DMGDH: variants seen among roughly 807,000 people sequenced by gnomAD.
The protein encoded by DMGDH is dimethylglycine dehydrogenase, mitochondrial.
A neutral mutation model predicts 95.2 loss-of-function variants in DMGDH; 76 were observed. The observed-to-expected ratio is 0.80, with a 90% CI of 0.66 to 0.97. The LOEUF is 0.97. Among genes scored for constraint, DMGDH ranks in the 50% least tolerant of loss-of-function variants. The pLI, the probability that DMGDH is intolerant of heterozygous loss-of-function variation, is 0.00. For synonymous variants in DMGDH, 345 were observed against 377.6 expected (o/e 0.91, Z 1.00); for missense variants, 987 against 1,055.0 (o/e 0.94, Z 0.89).
At position 79,020,578 on chromosome 5, in the gene DMGDH, G is replaced by A. The variant is rs948863091; in HGVS notation, c.2250+3693C>T. 3.6e-6 allele frequency: 3 copies of A among 832,692 alleles called. No homozygotes were observed. The African/African-American group carries it at 5.6e-5, about 15-fold the overall frequency. 51.6% of individuals were successfully genotyped at this position (832,692 alleles called of 1,614,324 possible). ...GCCTCTTTACCAGCTTTTTTGGGTT[G>A]TTTTGTTTTTGGTTATCGAACAGTT... On this transcript the variant is annotated intron_variant, in intron 14 of 15. Transcript: ENST00000255189.
chr5:79,057,566 A>C (rs1299147637), intron 2 of DMGDH, among the ~76,000 whole-genome samples: 1 of 151,912 alleles, frequency 6.6e-6, no homozygotes, highest in East Asian at 1.9e-4. Flanking sequence ...TAGGTCATCC[A>C]GTAGCACAGC....
chr5:79,000,178 T>C (rs577698752), intron 15 of DMGDH: 2 of 596,148 alleles, frequency 3.4e-6, no homozygotes, highest in Admixed American at 3.7e-5. Context: ...TCTCCACTAG[T>C]ATGTTTCTGG....
At chr5:79,039,004 T>C (rs1212390790) in intron 7 of DMGDH, among the ~76,000 whole-genome samples, 1 of 151,030 alleles carries the variant, frequency 6.6e-6, no homozygotes, top group African/African-American at 2.4e-5. Context: ...AAAACCACAA[T>C]GAGATACCAT....
chr5:79,028,425 A>T lies in DMGDH; in HGVS notation c.2032+8T>A, dbSNP rs1319555665. 3 of 1,604,622 alleles carry T rather than the reference A, an allele frequency of 1.9e-6. No individual in the cohort carries two copies. The Admixed American group carries it at 5.0e-5, about 27-fold the overall frequency. On this transcript the variant is annotated splice_region_variant and intron_variant, in intron 12 of 15. Transcript: ENST00000255189. Reference sequence around the variant, plus strand: ...AGAGACTTAGTCCAGGTTGTTTTCCAATCTTACCAGTATAAGATATCCTAA... The same window carrying T: ...AGAGACTTAGTCCAGGTTGTTTTCCTATCTTACCAGTATAAGATATCCTAA...
At position 79,028,775 on chromosome 5, in the gene DMGDH, T is replaced by C. The variant is rs529309048; in HGVS notation, c.1815-125A>G. Reference sequence around the variant, plus strand: ...AGAAAGTCCCCAGAGTGTCATTTCATGAAATCACACTGATTTTTAAAGTTG... The same window carrying C: ...AGAAAGTCCCCAGAGTGTCATTTCACGAAATCACACTGATTTTTAAAGTTG... On this transcript the variant is annotated intron_variant, in intron 11 of 15. Coordinates refer to ENST00000255189, the MANE Select transcript of DMGDH (RefSeq NM_013391.3). The C allele has an allele frequency of 4.5e-5, 48 of 1,059,994 alleles. No individual in the cohort carries two copies. The East Asian group carries it at 5.5e-4, about 12-fold the overall frequency. The allele number at this position is 1,059,994 out of a possible 1,614,324, so 65.7% of individuals were successfully genotyped here.
intron 5 of DMGDH, among the ~76,000 whole-genome samples, chr5:79,045,631 T>C (rs1754649073): frequency 6.6e-6 from 1 of 152,156 alleles, no homozygotes; most frequent in African/African-American, 2.4e-5. Context: ...GGACATGGTG[T>C]TGACTGACCA....
chr5:79,046,237 C>T (rs1279152454), intron 5 of DMGDH, among the ~76,000 whole-genome samples: 4 of 151,920 alleles, frequency 2.6e-5, no homozygotes, highest in Non-Finnish European at 5.9e-5. Context: ...CAGGTATCCG[C>T]CGCCATGCCC....
At chr5:79,051,631 ACTTCATG>A in intron 4 of DMGDH, 140 bp from the exon 5 acceptor site, 1 of 773,578 alleles carries the variant, frequency 1.3e-6, no homozygotes, top group Admixed American at 2.4e-5. Flanking sequence ...GTCCCTGAAG[ACTTCATG>A]AAAAAGCCAC....
At chr5:79,016,545 A>G (rs1184460676) in intron 14 of DMGDH, among the ~76,000 whole-genome samples, 3 of 152,244 alleles carry the variant, frequency 2.0e-5, no homozygotes, top group Non-Finnish European at 4.4e-5. Flanking sequence ...TAAGACCTGT[A>G]TACTGAAAAC....
intron 15 of DMGDH, chr5:79,000,352 T>C (rs1470239796): frequency 1.8e-5 from 12 of 656,590 alleles, no homozygotes; most frequent in African/African-American, 5.4e-5. Flanking sequence ...GGTCTGTTTA[T>C]TCTCACAATA....
At chr5:79,047,220 A>G (rs1424584807) in intron 5 of DMGDH, among the ~76,000 whole-genome samples, 3 of 152,196 alleles carry the variant, frequency 2.0e-5, no homozygotes, top group Non-Finnish European at 4.4e-5. Context: ...AAAAACAACT[A>G]AAGAGAAGAG....
At chr5:79,014,713 A>G (rs1321019523) in intron 14 of DMGDH, among the ~76,000 whole-genome samples, 1 of 152,190 alleles carries the variant, frequency 6.6e-6, no homozygotes, top group Non-Finnish European at 1.5e-5. Context: ...TATCTCATCT[A>G]ATACTTATGA....
At position 79,054,189 on chromosome 5, in the gene DMGDH, T is replaced by C. The variant is rs758936422; in HGVS notation, c.535A>G (p.Asn179Asp). 6.2e-7 allele frequency: 1 copy of C among 1,613,918 alleles called. No individual in the cohort carries two copies. Among genetic ancestry groups the C allele is most frequent in the Non-Finnish European group, 8.5e-7 (1 of 1,179,928 alleles). Residue 179 changes from asparagine to aspartate, a missense_variant, in exon 4 of 16, where the codon AAT (asparagine) becomes GAT (aspartate). Transcript: ENST00000255189. ...AATGCCCTTAAGATAAATACCTTAT[T>C]CATGTTGAGTAAAGGGAACATCTCT... ...IQEMFPLLNMNKVLAGLYNPG... is the reference protein window; with the variant it reads ...IQEMFPLLNMDKVLAGLYNPG...
At chr5:79,035,056 CAAAAA>C (rs10586049) in intron 7 of DMGDH, among the ~76,000 whole-genome samples, 6 of 78,348 alleles carry the variant, frequency 7.7e-5, no homozygotes, top group African/African-American at 4.9e-5. Context: ...GACTCCATCT[CAAAAA>C]AAAAAAAAAA....
chr5:79,036,740 C>T (rs1039102798), intron 7 of DMGDH, among the ~76,000 whole-genome samples: 1 of 152,114 alleles, frequency 6.6e-6, no homozygotes, highest in Non-Finnish European at 1.5e-5. Flanking sequence ...CCTCTCCGGA[C>T]CACTAAATCA....
chr5:79,060,331 T>C (rs889219716), intron 2 of DMGDH, among the ~76,000 whole-genome samples: 6 of 152,204 alleles, frequency 3.9e-5, no homozygotes, highest in African/African-American at 1.4e-4. Flanking sequence ...CATCCTCTCT[T>C]GTTTCCCTGC....
At position 78,997,856 on chromosome 5, in the gene DMGDH, T is replaced by G. The variant is rs1753386619; in HGVS notation, c.*226A>C. The G allele has an allele frequency of 5.3e-6, 3 of 563,766 alleles. No homozygotes were observed. The Admixed American group carries it at 9.7e-5, about 18-fold the overall frequency. 34.9% of individuals were successfully genotyped at this position (563,766 alleles called of 1,614,324 possible). A position where few individuals can be genotyped will look rare whatever the true frequency, so the allele number is the denominator to read the frequency against. On this transcript the variant is annotated 3_prime_UTR_variant, in exon 16 of 16. Transcript: ENST00000255189. The stretch of plus-strand genomic sequence containing the variant: ...GTAATGTGGGGTAAATAAAAAAACA[T>G]TCATTTCAAATTTCTTCATTTAAAA...
At chr5:79,035,760 C>G (rs1754331774) in intron 7 of DMGDH, among the ~76,000 whole-genome samples, 1 of 151,942 alleles carries the variant, frequency 6.6e-6, no homozygotes, top group Admixed American at 6.6e-5. Context: ...AATCCTGAAT[C>G]AAATCTAATT....
At chr5:79,019,040 T>TGG (rs1389201879) in intron 14 of DMGDH, among the ~76,000 whole-genome samples, 1 of 152,172 alleles carries the variant, frequency 6.6e-6, no homozygotes, top group East Asian at 1.9e-4. Context: ...TTAATTCAGA[T>TGG]GACACAATTA....
Sources: gnomAD v4.1 joint callset for allele counts (sites outside exome capture counted in the v4.1 genomes callset) on GRCh38, gnomAD v4.1.1 for gene constraint, MANE v1.5 for transcripts, NCBI Gene and HGNC (gene_info 2026-07-23, HGNC 2026-07-21) for gene names.